Variants in CWF19L1 observed in about 807,000 individuals in gnomAD.
CWF19L1 encodes the protein CWF19-like protein 1.
Under a neutral mutation model 69.7 loss-of-function variants are expected in CWF19L1, and 60 were observed. The ratio of observed to expected loss-of-function variants is 0.86; its 90% confidence interval spans 0.70 to 1.07. The LOEUF (loss-of-function observed/expected upper bound fraction) is 1.07, where lower values mean the gene tolerates loss of function less well. Among genes scored for constraint, CWF19L1 ranks in the 50% least tolerant of loss-of-function variants. The probability of loss-of-function intolerance (pLI) is 0.00; values close to 1 mark genes in which losing one functional copy is unlikely to be tolerated. For synonymous variants in CWF19L1, 209 were observed against 222.2 expected (o/e 0.94, Z 0.53); for missense variants, 591 against 638.9 (o/e 0.92, Z 0.81).
intron 1 of CWF19L1, chr10:100,262,348 CAAA>C (rs1436536424): frequency 1.0e-6 from 1 of 985,408 alleles, no homozygotes; most frequent in South Asian, 4.7e-5. Context: ...ACATGGTCAA[CAAA>C]AGTCAAAAAT....
Position 100,250,447 on chromosome 10 carries a change from C to T in CWF19L1, c.624-115G>A, listed in dbSNP as rs1055948552. On this transcript the variant is annotated intron_variant, in intron 6 of 13. Coordinates refer to ENST00000354105, the MANE Select transcript of CWF19L1 (RefSeq NM_018294.6). Reference sequence around the variant, plus strand: ...AGAGCAGAGGTCCTCAGTTCATCATCGCCAGTCAAATGATTTCAGATAAGT... The same window carrying T: ...AGAGCAGAGGTCCTCAGTTCATCATTGCCAGTCAAATGATTTCAGATAAGT... The T allele has an allele frequency of 1.2e-4, 81 of 688,444 alleles. No homozygotes were observed. The South Asian group carries it at 1.2e-3, about 10-fold the overall frequency. 42.6% of individuals were successfully genotyped at this position (688,444 alleles called of 1,614,324 possible). A position where few individuals can be genotyped will look rare whatever the true frequency, so the allele number is the denominator to read the frequency against.
At chr10:100,238,271 A>AT (rs763723361) in intron 10 of CWF19L1, 40 bp from the exon 11 acceptor site, 25 of 1,579,586 alleles carry the variant, frequency 1.6e-5, no homozygotes, top group East Asian at 6.7e-5. Flanking sequence ...TCAATACAGC[A>AT]TGTAGGATTC....
chr10:100,247,082 A>G, intron 7 of CWF19L1, 147 bp from the exon 8 acceptor site: 1 of 676,844 alleles, frequency 1.5e-6, no homozygotes, highest in Non-Finnish European at 2.3e-6. Context: ...TAGCTCAGAG[A>G]GTAAACAGTA....
chr10:100,262,266 C>T, intron 1 of CWF19L1: 5 of 985,402 alleles, frequency 5.1e-6, no homozygotes, highest in Non-Finnish European at 6.0e-6. Flanking sequence ...TAAAATTTAG[C>T]TTATCATTTA....
intron 1 of CWF19L1, among the ~76,000 whole-genome samples, chr10:100,265,861 A>G (rs866609927): frequency 1.5e-4 from 23 of 152,144 alleles, no homozygotes; most frequent in African/African-American, 5.1e-4. Context: ...AAATACAAAA[A>G]TGCTTACCAT....
At chr10:100,235,045 T>C (rs1846387075) in intron 13 of CWF19L1, among the ~76,000 whole-genome samples, 1 of 152,198 alleles carries the variant, frequency 6.6e-6, no homozygotes, top group Non-Finnish European at 1.5e-5. Flanking sequence ...TAAATTCTAA[T>C]TAATTAAATA....
At chr10:100,259,996 C>T (rs989308633) in intron 4 of CWF19L1, among the ~76,000 whole-genome samples, 2 of 152,138 alleles carry the variant, frequency 1.3e-5, no homozygotes, top group Admixed American at 6.5e-5. Flanking sequence ...GAAACCCTGT[C>T]TCTACTAAAA....
chr10:100,244,693 AC>A (rs1314789538), intron 9 of CWF19L1, among the ~76,000 whole-genome samples: 1 of 146,656 alleles, frequency 6.8e-6, no homozygotes, highest in Non-Finnish European at 1.5e-5. Context: ...TTGCTCTGTC[AC>A]CCAGGTTGGA....
intron 5 of CWF19L1, chr10:100,254,246 G>A (rs1313166206): frequency 6.6e-6 from 1 of 152,216 alleles, no homozygotes; most frequent in African/African-American, 2.4e-5. Flanking sequence ...AAAGCGAAAA[G>A]CTAGGCTTCA....
intron 13 of CWF19L1, among the ~76,000 whole-genome samples, chr10:100,235,315 C>T (rs1846397617): frequency 6.6e-6 from 1 of 152,182 alleles, no homozygotes; most frequent in African/African-American, 2.4e-5. Context: ...AGAGTATGTG[C>T]TCAATTAAAG....
At chr10:100,235,861 AG>A (rs1846417684) in intron 12 of CWF19L1, 97 bp from the exon 13 acceptor site, 1 of 854,254 alleles carries the variant, frequency 1.2e-6, no homozygotes, top group Admixed American at 2.4e-5. Context: ...TAAATGCACA[AG>A]AAAAAAAGAT....
rs1170023186 is a variant in CWF19L1, at chr10:100,232,618, G to A, written c.*609C>T. 6.6e-6 allele frequency: 1 copy of A among 152,288 alleles called. No individual in the cohort carries two copies. The highest frequency in any genetic ancestry group is 1.5e-5 in the Non-Finnish European group (1 of 68,130). 9.4% of individuals were successfully genotyped at this position (152,288 alleles called of 1,614,324 possible). ...AGTAAAGACGGGGTTTCACCATGTT[G>A]GCCAGGCTGGTCTCAAACTCCTCAC... is the stretch of plus-strand genomic sequence containing the variant. On this transcript the variant is annotated 3_prime_UTR_variant, in exon 14 of 14. Transcript: ENST00000354105.
intron 1 of CWF19L1, 126 bp downstream of exon 1, chr10:100,267,445 C>T: frequency 6.3e-7 from 1 of 1,589,140 alleles, no homozygotes. Flanking sequence ...CTAAGCTCCC[C>T]AGCAGCCCCG....
intron 4 of CWF19L1, 136 bp from the exon 5 acceptor site, chr10:100,256,612 C>G: frequency 1.5e-6 from 1 of 668,082 alleles, no homozygotes; most frequent in Non-Finnish European, 2.6e-6. Flanking sequence ...TCCAGCAGCT[C>G]CCTTCTGGCT....
intron 1 of CWF19L1, among the ~76,000 whole-genome samples, chr10:100,265,483 T>C (rs1472154649): frequency 8.2e-6 from 1 of 121,808 alleles, no homozygotes; most frequent in Non-Finnish European, 1.6e-5. Flanking sequence ...GGTTGTGCCC[T>C]TTTTTTTTTT....
rs1846840285 is a variant in CWF19L1, at chr10:100,246,851, G to C, written c.793C>G (p.Pro265Ala). ...GCTTCCTGCCCAGATTTTCTGTAAGGGTTTTCAGTGACATCCGGAGGCTGT... is the reference window on the plus strand; with the variant it reads ...GCTTCCTGCCCAGATTTTCTGTAAGCGTTTTCAGTGACATCCGGAGGCTGT... Reference protein sequence around the residue: ...VKQPPDVTENPYRKSGQEASI... With the variant: ...VKQPPDVTENAYRKSGQEASI... Residue 265 changes from proline (P) to alanine (A), a missense_variant, in exon 8 of 14, where the codon CCT becomes GCT. Around this residue, in one of 3 missense-constraint regions of CWF19L1, gnomAD observed 458 missense variants for 489.3 expected, o/e 0.94. Transcript: ENST00000354105. 1 of 1,613,930 alleles carries C rather than the reference G, an allele frequency of 6.2e-7. No individual in the cohort carries two copies. The highest frequency in any genetic ancestry group is 1.3e-5 in the African/African-American group (1 of 74,936).
At chr10:100,237,399 C>T (rs1378859831) in intron 11 of CWF19L1, 5 of 400,212 alleles carry the variant, frequency 1.2e-5, no homozygotes, top group Admixed American at 6.3e-5. Context: ...TGGGCCTCCA[C>T]ACAAAATACT....
chr10:100,240,107 CCTCT>C (rs1055034033), intron 10 of CWF19L1, among the ~76,000 whole-genome samples: 4 of 152,146 alleles, frequency 2.6e-5, no homozygotes, highest in African/African-American at 9.7e-5. Flanking sequence ...TGCCTAATCT[CCTCT>C]CTCTTTCAAA....
At chr10:100,241,647 T>C (rs1461533017) in intron 10 of CWF19L1, among the ~76,000 whole-genome samples, 2 of 152,236 alleles carry the variant, frequency 1.3e-5, no homozygotes, top group African/African-American at 4.8e-5. Flanking sequence ...TGTGGTTCTG[T>C]AGACTGGGAA....
Sources: gnomAD v4.1 joint callset for allele counts (sites outside exome capture counted in the v4.1 genomes callset) on GRCh38, gnomAD v4.1.1 for gene constraint, gnomAD v4.1.1 regional missense constraint, MANE v1.5 for transcripts, NCBI Gene and HGNC (gene_info 2026-07-23, HGNC 2026-07-21) for gene names.